EDA2R: variants seen among roughly 807,000 people sequenced by gnomAD.
The protein encoded by EDA2R is ectodysplasin A2 receptor, also known as tumor necrosis factor receptor superfamily member 27.
In EDA2R, 26 loss-of-function variants were observed where a neutral mutation model predicts 20.1. The ratio of observed to expected loss-of-function variants is 1.30; its 90% confidence interval spans 0.95 to 1.80. EDA2R has a LOEUF of 1.80. EDA2R is among the 40% of genes most tolerant of loss of function. The pLI is 0.00. For synonymous variants in EDA2R, 114 were observed against 88.7 expected (o/e 1.29, Z -1.60); for missense variants, 277 against 228.7 (o/e 1.21, Z -1.36).
At position 66,601,267 on chromosome X, in the gene EDA2R, T is replaced by A. The variant is rs1292224730; in HGVS notation, c.517+1366A>T. Among the ~76,000 whole-genome samples the A allele has an allele frequency of 3.6e-5, 4 of 111,250 alleles. No homozygotes were observed. The Admixed American group carries it at 3.8e-4, about 11-fold the overall frequency. On this transcript the variant is annotated intron_variant, in intron 5 of 6. Coordinates refer to ENST00000374719, the MANE Select transcript of EDA2R (RefSeq NM_021783.5). ...CATTTTCATCTTCTGGACCCTGGAG[T>A]CCAAATGCTTCATTGCTCATGTTTC...
At chrX:66,601,386 C>T (rs773175621) in intron 5 of EDA2R, among the ~76,000 whole-genome samples, 5 of 111,890 alleles carry the variant, frequency 4.5e-5, no homozygotes, top group Admixed American at 9.4e-5. Context: ...GTCACAGTGT[C>T]CCAGGAGCTA....
intron 5 of EDA2R, among the ~76,000 whole-genome samples, chrX:66,601,478 AT>A (rs1928588786): frequency 1.8e-5 from 2 of 111,594 alleles, no homozygotes; most frequent in Non-Finnish European, 3.8e-5. Context: ...TGCTATATTC[AT>A]CTCCAATTAA....
intron 1 of EDA2R, among the ~76,000 whole-genome samples, chrX:66,630,858 C>G (rs988697991): frequency 1.9e-5 from 2 of 105,139 alleles, no homozygotes; most frequent in Non-Finnish European, 3.9e-5. Context: ...CACAAACACA[C>G]GTATATATAT....
At chrX:66,617,113 G>A (rs764748675) in intron 1 of EDA2R, among the ~76,000 whole-genome samples, 4 of 111,879 alleles carry the variant, frequency 3.6e-5, no homozygotes, top group Non-Finnish European at 7.5e-5. Context: ...AATTTCAAGT[G>A]GTTTCTAAAA....
chrX:66,630,565 A>G lies in EDA2R; in HGVS notation c.-11+8430T>C, dbSNP rs1284437599. ...AGACAATTTTCAAAAAAGATATACAAATGGCCAACAAACATATGAAAAAAT... is the reference window on the plus strand; with the variant it reads ...AGACAATTTTCAAAAAAGATATACAGATGGCCAACAAACATATGAAAAAAT... On this transcript the variant is annotated intron_variant, in intron 1 of 6. Transcript: ENST00000374719. Among the ~76,000 whole-genome samples, 4 of 111,549 alleles carry G rather than the reference A, an allele frequency of 3.6e-5. No homozygotes were observed. The East Asian group carries it at 1.1e-3, about 32-fold the overall frequency.
intron 1 of EDA2R, among the ~76,000 whole-genome samples, chrX:66,630,988 T>C: frequency 9.1e-6 from 1 of 110,004 alleles, no homozygotes; most frequent in East Asian, 2.9e-4. Flanking sequence ...TGTGTGTATG[T>C]ACATAAAAAC....
In EDA2R at chrX:66,604,507, C is replaced by T; in HGVS notation, c.267-1G>A. ...TCCAATGCGTGTCTTTCGGTAGAACCTGTGTTCAGAGCAATTAGGAATGGC... is the reference window on the plus strand; with the variant it reads ...TCCAATGCGTGTCTTTCGGTAGAACTTGTGTTCAGAGCAATTAGGAATGGC... On this transcript the variant is annotated splice_acceptor_variant, in intron 3 of 6. Transcript: ENST00000374719. LOFTEE classifies it high-confidence loss of function. 2 of 1,204,928 alleles carry T rather than the reference C, an allele frequency of 1.7e-6. No individual in the cohort carries two copies. The highest frequency in any genetic ancestry group is 2.2e-6 in the Non-Finnish European group (2 of 891,297).
intron 5 of EDA2R, chrX:66,600,191 T>A: frequency 1.6e-6 from 1 of 629,641 alleles, no homozygotes; most frequent in Middle Eastern, 3.2e-4. Context: ...GTACATTAAG[T>A]TACATGGCAA....
intron 1 of EDA2R, among the ~76,000 whole-genome samples, chrX:66,636,881 C>A (rs1934375900): frequency 9.1e-6 from 1 of 109,483 alleles, no homozygotes; most frequent in Non-Finnish European, 1.9e-5. Context: ...GTGGGAGGAA[C>A]AATTATTTGT....
chrX:66,618,002 T>C (rs1042679396), intron 1 of EDA2R, among the ~76,000 whole-genome samples: 1 of 110,591 alleles, frequency 9.0e-6, no homozygotes, highest in Admixed American at 9.7e-5. Flanking sequence ...TTTTCCTGCC[T>C]CAGCCTCCCG....
At chrX:66,612,741 A>G (rs1930994419) in intron 2 of EDA2R, among the ~76,000 whole-genome samples, 1 of 111,969 alleles carries the variant, frequency 8.9e-6, no homozygotes, top group African/African-American at 3.2e-5. Context: ...AAGCCAATTA[A>G]AAGACAGGGA....
rs746483891 is a variant in EDA2R at position 66,595,836 on chromosome X, G to A, written c.*2268C>T. ...ACTGAAGACCTAGCTAGTAGGGTGG[G>A]GTTGGTAGAGAGGAGTGGGACAGGA... On this transcript the variant is annotated 3_prime_UTR_variant, in exon 7 of 7. Transcript: ENST00000374719. 31 of 110,769 alleles carry A rather than the reference G, an allele frequency of 2.8e-4. No homozygotes were observed. The highest frequency in any genetic ancestry group is 9.2e-4 in the African/African-American group (28 of 30,385). The allele number at this position is 110,769 out of a possible 1,213,427, so 9.1% of individuals were successfully genotyped here. A position where few individuals can be genotyped will look rare whatever the true frequency, so the allele number is the denominator to read the frequency against.
In EDA2R at chrX:66,599,805, G is replaced by A. The variant is rs147041232; in HGVS notation, c.573C>T (p.Pro191=). 8 of 1,206,649 alleles carry A rather than the reference G, an allele frequency of 6.6e-6. No homozygotes were observed. In the African/African-American group the frequency reaches 7.0e-5, roughly 11 times the overall value. ...DKTAKEESLF[P]VPPSKETSAE... is the part of the protein sequence containing the mutation. ...CACTGGTCTCCTTGCTGGGTGGCACGGGGAAGAGAGATTCCTCCTTTGCTG... is the reference window on the plus strand; with the variant it reads ...CACTGGTCTCCTTGCTGGGTGGCACAGGGAAGAGAGATTCCTCCTTTGCTG... The change falls in exon 6 of 7, where the codon CCC becomes CCT. Residue 191 remains proline, a synonymous_variant. Coordinates refer to ENST00000374719, the MANE Select transcript of EDA2R (RefSeq NM_021783.5).
chrX:66,607,185 GCTAA>G (rs1302358937), intron 2 of EDA2R, among the ~76,000 whole-genome samples: 11 of 111,963 alleles, frequency 9.8e-5, no homozygotes, highest in Non-Finnish European at 1.7e-4. Flanking sequence ...TGCACATCTG[GCTAA>G]CTGTTTAAGT....
chrX:66,603,812 C>T (rs1262896213), intron 4 of EDA2R, among the ~76,000 whole-genome samples: 1 of 111,523 alleles, frequency 9.0e-6, no homozygotes, highest in Admixed American at 9.5e-5. Flanking sequence ...ATGCAAAATG[C>T]TATGATTTAT....
intron 1 of EDA2R, among the ~76,000 whole-genome samples, chrX:66,620,689 C>CA (rs1318607658): frequency 9.1e-6 from 1 of 110,019 alleles, no homozygotes; most frequent in Non-Finnish European, 1.9e-5. Context: ...GTTTGTGCTT[C>CA]AAAGGACACC....
rs919523245 is a variant in EDA2R, at chrX:66,638,587, G to A, written c.-11+408C>T. On this transcript the variant is annotated intron_variant, in intron 1 of 6. Transcript: ENST00000374719. ...TACACAAGCCCTGACTTGCCCTCAA[G>A]CCACGCGGGTTAGCAGTTCTGCTTT... 8.1e-5 allele frequency among the ~76,000 whole-genome samples: 9 copies of A among 111,129 alleles called. No individual in the cohort carries two copies. The East Asian group carries it at 2.6e-3, about 32-fold the overall frequency.
chrX:66,621,042 C>T (rs976027815), intron 1 of EDA2R, among the ~76,000 whole-genome samples: 1 of 108,810 alleles, frequency 9.2e-6, no homozygotes, highest in Non-Finnish European at 1.9e-5. Flanking sequence ...TTTGGGAGGC[C>T]GAGGCAGGTG....
intron 2 of EDA2R, among the ~76,000 whole-genome samples, chrX:66,615,547 C>T (rs1931530077): frequency 8.9e-6 from 1 of 111,820 alleles, no homozygotes; most frequent in Admixed American, 9.5e-5. Flanking sequence ...CTCAGTAGCG[C>T]AGACCCTCTA....
Sources: allele counts gnomAD v4.1 joint callset (sites outside exome capture counted in the v4.1 genomes callset), GRCh38; gene constraint gnomAD v4.1.1; transcripts MANE v1.5; gene names NCBI Gene and HGNC (gene_info 2026-07-23, HGNC 2026-07-21).